LRP1B: variants seen among roughly 807,000 people sequenced by gnomAD.
LRP1B encodes LDL receptor related protein 1B.
In LRP1B, 217 loss-of-function variants were observed where a neutral mutation model predicts 556.6. The observed-to-expected ratio is 0.39, with a 90% CI of 0.35 to 0.44. LRP1B has a LOEUF of 0.44. Among genes scored for constraint, LRP1B ranks in the 20% least tolerant of loss-of-function variants. LRP1B has a pLI of 1.00. For missense variants in LRP1B, 5,053 were observed against 5,620.8 expected, an observed-to-expected ratio of 0.90 and a Z score of 3.23; for synonymous variants, 2,047 against 1,865.8, an observed-to-expected ratio of 1.10 and a Z score of -2.50.
At chr2:141,088,483 T>C (rs1160951954) in intron 7 of LRP1B, among the ~76,000 whole-genome samples, 1 of 152,092 alleles carries the variant, frequency 6.6e-6, no homozygotes, top group Non-Finnish European at 1.5e-5. Context: ...GACCAGGAGA[T>C]TTACCAGAGA....
intron 1 of LRP1B, among the ~76,000 whole-genome samples, chr2:141,882,716 C>G (rs1364438330): frequency 6.6e-6 from 1 of 152,046 alleles, no homozygotes; most frequent in Non-Finnish European, 1.5e-5. Flanking sequence ...AACAGAATAT[C>G]AAGAACATAA....
chr2:141,134,624 A>C (rs1224479172), intron 7 of LRP1B, among the ~76,000 whole-genome samples: 1 of 151,862 alleles, frequency 6.6e-6, no homozygotes, highest in Non-Finnish European at 1.5e-5. Flanking sequence ...GGAAAAAAAA[A>C]GTTTCTAAAT....
At chr2:140,973,424 G>A (rs1175876923) in intron 18 of LRP1B, among the ~76,000 whole-genome samples, 2 of 151,954 alleles carry the variant, frequency 1.3e-5, no homozygotes, top group Non-Finnish European at 2.9e-5. Context: ...GTAGGAGGAT[G>A]GGGGGGTAGA....
chr2:142,016,678 G>A (rs867341865), intron 1 of LRP1B, among the ~76,000 whole-genome samples: 3 of 151,916 alleles, frequency 2.0e-5, no homozygotes, highest in Non-Finnish European at 2.9e-5. Flanking sequence ...GGGCCTGTTG[G>A]GGGGTAGGGG....
At chr2:140,776,651 C>T (rs907338624) in intron 32 of LRP1B, among the ~76,000 whole-genome samples, 1 of 151,902 alleles carries the variant, frequency 6.6e-6, no homozygotes, top group African/African-American at 2.4e-5. Flanking sequence ...AACAAAATAT[C>T]TAAACAACAA....
intron 1 of LRP1B, among the ~76,000 whole-genome samples, chr2:142,047,740 C>T (rs1206824822): frequency 6.6e-6 from 1 of 151,652 alleles, no homozygotes; most frequent in Non-Finnish European, 1.5e-5. Flanking sequence ...CTAAAAAAGG[C>T]CCTTAAACAC....
chr2:140,815,153 A>T (rs1691068094), intron 31 of LRP1B, among the ~76,000 whole-genome samples: 1 of 152,148 alleles, frequency 6.6e-6, no homozygotes, highest in Non-Finnish European at 1.5e-5. Flanking sequence ...TAAAAAAAAA[A>T]AAAGATGAAA....
chr2:141,212,249 ATTTTTTTTTTTTTTTTTTT>A (rs59699046), intron 6 of LRP1B, among the ~76,000 whole-genome samples: 18 of 62,264 alleles, frequency 2.9e-4, no homozygotes, highest in South Asian at 2.3e-3. Flanking sequence ...AAAAGTCTAG[ATTTTTTTTTTTTTTTTTTT>A]TTTTTTTTTT....
rs577100822 is a variant in LRP1B at position 141,592,947 on chromosome 2, T to C, written c.206-112414A>G. On this transcript the variant is annotated intron_variant, in intron 2 of 90. Transcript: ENST00000389484. ...GGAAAATCCTTTGAAATCCTAGTAA[T>C]AGAGTCTCCCTTATTTCTACAAATG... 6.6e-5 allele frequency among the ~76,000 whole-genome samples: 10 copies of C among 152,306 alleles called. No homozygotes were observed. The East Asian group carries it at 1.2e-3, about 18-fold the overall frequency.
At chr2:141,806,983 C>G (rs933182246) in intron 2 of LRP1B, among the ~76,000 whole-genome samples, 1 of 152,048 alleles carries the variant, frequency 6.6e-6, no homozygotes, top group African/African-American at 2.4e-5. Flanking sequence ...ATACAACATA[C>G]TTTGTCTTCA....
chr2:140,633,026 G>GCACTC (rs1683944750), intron 41 of LRP1B, among the ~76,000 whole-genome samples: 1 of 149,814 alleles, frequency 6.7e-6, no homozygotes, highest in Admixed American at 6.7e-5. Context: ...TCATGCCACT[G>GCACTC]CACTCCAGCC....
At chr2:141,564,784 C>A (rs1574083742) in intron 2 of LRP1B, among the ~76,000 whole-genome samples, 1 of 152,022 alleles carries the variant, frequency 6.6e-6, no homozygotes, top group African/African-American at 2.4e-5. Context: ...GTAGTACACT[C>A]TAATGATTTA....
chr2:141,390,618 G>A (rs534500413), intron 3 of LRP1B, among the ~76,000 whole-genome samples: 2 of 152,288 alleles, frequency 1.3e-5, no homozygotes, highest in South Asian at 4.1e-4. Context: ...ATGAAGTACT[G>A]ATACATTCTA....
intron 3 of LRP1B, among the ~76,000 whole-genome samples, chr2:141,333,653 T>A (rs758997384): frequency 5.9e-5 from 9 of 152,180 alleles, no homozygotes; most frequent in Non-Finnish European, 1.2e-4. Context: ...CTGAAAATTT[T>A]AAAGTGAAAC....
At chr2:142,105,542 A>G (rs1706716753) in intron 1 of LRP1B, among the ~76,000 whole-genome samples, 1 of 151,438 alleles carries the variant, frequency 6.6e-6, no homozygotes, top group Non-Finnish European at 1.5e-5. Context: ...TTTTCTGCTT[A>G]TGGTTGATGA....
chr2:140,850,281 A>G lies in LRP1B; in HGVS notation c.4760T>C (p.Val1587Ala). 3 of 1,613,216 alleles carry G rather than the reference A, an allele frequency of 1.9e-6. No homozygotes were observed. The highest frequency in any genetic ancestry group is 2.2e-5 in the East Asian group (1 of 44,776). ...LYARRSEIRG[V>A]DIDNPYFNFI... ...GTTAAAGTATGGATTGTCAATATCC[A>G]CTCCTCTGATTTCAGAACGTCTTGC... The change falls in exon 29 of 91, where the codon GTG becomes GCG. Residue 1587 changes from valine (V) to alanine (A), a missense_variant. Transcript: ENST00000389484.
chr2:141,565,227 C>CA (rs1559143832), intron 2 of LRP1B, among the ~76,000 whole-genome samples: 1 of 152,094 alleles, frequency 6.6e-6, no homozygotes, highest in Non-Finnish European at 1.5e-5. Context: ...TGAATGAGAA[C>CA]ATTTTTTATG....
chr2:141,216,746 T>G (rs1296858792), intron 6 of LRP1B, among the ~76,000 whole-genome samples: 1 of 152,216 alleles, frequency 6.6e-6, no homozygotes, highest in Non-Finnish European at 1.5e-5. Context: ...CTTTAATATT[T>G]AATAATTTCC....
intron 1 of LRP1B, among the ~76,000 whole-genome samples, chr2:141,938,740 ATCTC>A (rs1274964813): frequency 3.4e-5 from 4 of 116,046 alleles, no homozygotes; most frequent in African/African-American, 1.3e-4. Context: ...TATATCACTA[ATCTC>A]TCTCTCTCCA....
Sources: gnomAD v4.1 joint callset for allele counts (sites outside exome capture counted in the v4.1 genomes callset) on GRCh38, gnomAD v4.1.1 for gene constraint, MANE v1.5 for transcripts, NCBI Gene and HGNC (gene_info 2026-07-23, HGNC 2026-07-21) for gene names.